The following ZNF585B variants were observed in gnomAD, a reference collection of about 807,000 sequenced individuals.
The protein encoded by ZNF585B is zinc finger protein 585B, also known as zinc finger protein 41-like protein.
ZNF585B carries 7 observed loss-of-function variants against 14.0 expected under a neutral mutation model. The observed-to-expected ratio is 0.50, with a 90% CI of 0.28 to 0.94. The LOEUF is 0.94. Among genes scored for constraint, ZNF585B ranks in the 40% least tolerant of loss-of-function variants. The pLI is 0.09. For synonymous variants in ZNF585B, 290 were observed against 317.3 expected, an observed-to-expected ratio of 0.91 and a Z score of 0.91; for missense variants, 750 against 924.4, an observed-to-expected ratio of 0.81 and a Z score of 2.45.
At chr19:37,209,469 GAAGA>G (rs1972622668) in intron 1 of ZNF585B, among the ~76,000 whole-genome samples, 1 of 152,128 alleles carries the variant, frequency 6.6e-6, no homozygotes, top group East Asian at 1.9e-4. Flanking sequence ...AGCAGAAACA[GAAGA>G]AAGGACAGGT....
At chr19:37,193,704 C>T (rs1272259045) in intron 2 of ZNF585B, among the ~76,000 whole-genome samples, 1 of 152,034 alleles carries the variant, frequency 6.6e-6, no homozygotes, top group Non-Finnish European at 1.5e-5. Context: ...CGACTGAGCC[C>T]GGGAGGTCGA....
chr19:37,196,051 G>T (rs10411176), intron 2 of ZNF585B: 25,235 of 152,056 alleles, frequency 0.17, 2,372 homozygotes, highest in African/African-American at 0.26. Context: ...AGAAGAAGAA[G>T]AATTAATGTG....
chr19:37,193,150 C>CAA, intron 2 of ZNF585B, among the ~76,000 whole-genome samples: 1 of 147,728 alleles, frequency 6.8e-6, no homozygotes, highest in Non-Finnish European at 1.5e-5. Context: ...CAAAACAAAA[C>CAA]AAAAAAAAAC....
rs778289162 is a variant in ZNF585B, at chr19:37,185,702, C to T, written c.1835G>A (p.Gly612Glu). 2 of 1,597,136 alleles carry T rather than the reference C, an allele frequency of 1.3e-6. No individual in the cohort carries two copies. The highest frequency in any genetic ancestry group is 1.7e-6 in the Non-Finnish European group (2 of 1,171,282). Residue 612 changes from glycine to glutamate, a missense_variant, in exon 5 of 5, where the codon GGG (glycine) becomes GAG (glutamate). Physicochemically the swap from Gly to Glu is moderately conservative, Grantham distance 98. This residue lies in a region of ZNF585B where 233 missense variants were observed against 354.1 expected (regional missense o/e 0.66). Coordinates refer to ENST00000532828, the MANE Select transcript of ZNF585B (RefSeq NM_152279.4). ...GEKPYECSDC[G>E]KSFTSKSQLL... is the part of the protein sequence containing the mutation. ...CTGAGACTTGGAGGTAAAGGACTTC[C>T]CACAGTCACTGCATTCATAAGGCTT...
At chr19:37,189,966 G>A in intron 3 of ZNF585B, 58 bp downstream of exon 3, 5 of 1,601,258 alleles carry the variant, frequency 3.1e-6, no homozygotes, top group Non-Finnish European at 4.3e-6. Context: ...TTCGTCAACT[G>A]AGAATGAAAA....
Position 37,198,226 on chromosome 19 carries a change from T to C in ZNF585B, c.73-8076A>G, listed in dbSNP as rs540545182. On this transcript the variant is annotated intron_variant, in intron 2 of 4. Coordinates refer to ENST00000532828, the MANE Select transcript of ZNF585B (RefSeq NM_152279.4). ...TGCTCTTGTTGCCTGGGTTGGAGTG[T>C]AATGGCGTGATCTTGGCTTACTGCA... Among the ~76,000 whole-genome samples, 11 of 152,134 alleles carry C rather than the reference T, an allele frequency of 7.2e-5. No individual in the cohort carries two copies. In the East Asian group the frequency reaches 1.6e-3, roughly 22 times the overall value.
At position 37,186,348 on chromosome 19, in the gene ZNF585B, G is replaced by T. The variant is rs1262753094; in HGVS notation, c.1189C>A (p.Leu397Ile). 4 of 1,614,116 alleles carry T rather than the reference G, an allele frequency of 2.5e-6. No individual in the cohort carries two copies. In the South Asian group the frequency reaches 4.4e-5, roughly 18 times the overall value. The change falls in exon 5 of 5, where the codon CTC becomes ATC. Residue 397 changes from leucine to isoleucine, a missense_variant. Around this residue, in one of 2 missense-constraint regions of ZNF585B, gnomAD observed 517 missense variants for 570.3 expected, o/e 0.91. Coordinates refer to ENST00000532828, the MANE Select transcript of ZNF585B (RefSeq NM_152279.4). ...CGRAFTQKSALTVHQRIHTGE... is the reference protein window; with the variant it reads ...CGRAFTQKSAITVHQRIHTGE... Reference sequence around the variant, plus strand: ...GTATGAATTCTCTGATGCACTGTGAGTGCTGACTTCTGAGTGAAGGCTCTC... The same window carrying T: ...GTATGAATTCTCTGATGCACTGTGATTGCTGACTTCTGAGTGAAGGCTCTC...
rs139840277 is a variant in ZNF585B, at chr19:37,196,527, TTC to T, written c.73-6379_73-6378del. Among the ~76,000 whole-genome samples the T allele has an allele frequency of 3.9e-5, 6 of 152,216 alleles. No homozygotes were observed. In the East Asian group the frequency reaches 1.2e-3, roughly 29 times the overall value. On this transcript the variant is annotated intron_variant, in intron 2 of 4. Transcript: ENST00000532828. ...ATGTGGGTCCATTTGTAACACAGAT[TTC>T]TTTTTTCAGTAAAATTACACCGAGT...
rs571727967 is a variant in ZNF585B, at chr19:37,193,078, T to C, written c.73-2928A>G. On this transcript the variant is annotated intron_variant, in intron 2 of 4. Coordinates refer to ENST00000532828, the MANE Select transcript of ZNF585B (RefSeq NM_152279.4). Reference sequence around the variant, plus strand: ...TGAAGCCAGGAGGCAGAGGTTGCAGTGAGCCGAGATTGCGCCACTGCATTC... The same window carrying C: ...TGAAGCCAGGAGGCAGAGGTTGCAGCGAGCCGAGATTGCGCCACTGCATTC... Among the ~76,000 whole-genome samples, 895 of 151,990 alleles carry C rather than the reference T, an allele frequency of 5.9e-3. 4 individuals carry two copies. Among genetic ancestry groups the C allele is most frequent in the Non-Finnish European group, 9.9e-3 (676 of 67,980 alleles).
rs898025193 is a variant in ZNF585B, at chr19:37,210,526, A to T, written c.-229T>A. 2.6e-5 allele frequency: 4 copies of T among 152,100 alleles called. No homozygotes were observed. The highest frequency in any genetic ancestry group is 9.7e-5 in the African/African-American group (4 of 41,430). 9.4% of individuals were successfully genotyped at this position (152,100 alleles called of 1,614,324 possible). Reference sequence around the variant, plus strand: ...GAAATAGCCTTCGGGGACCACTTCCACTTCCGGTCCGACTTCTAGCACCTC... The same window carrying T: ...GAAATAGCCTTCGGGGACCACTTCCTCTTCCGGTCCGACTTCTAGCACCTC... On this transcript the variant is annotated 5_prime_UTR_variant, in exon 1 of 5. Transcript: ENST00000532828.
intron 2 of ZNF585B, chr19:37,199,382 A>G (rs1972506131): frequency 2.6e-6 from 1 of 377,904 alleles, no homozygotes; most frequent in African/African-American, 2.1e-5. Flanking sequence ...AAATTTCGCC[A>G]GTTCTATTGG....
At chr19:37,189,831 A>G in intron 3 of ZNF585B, 78 bp from the exon 4 acceptor site, 1 of 1,598,712 alleles carries the variant, frequency 6.3e-7, no homozygotes. Context: ...TTATTGTTCA[A>G]TGATGGTTTG....
At chr19:37,190,306 C>T (rs898826126) in intron 2 of ZNF585B, 156 bp from the exon 3 acceptor site, 41 of 1,085,956 alleles carry the variant, frequency 3.8e-5, no homozygotes, top group African/African-American at 4.8e-5. Context: ...AGTGCAGTGG[C>T]GCGATCTTGG....
chr19:37,187,146 CATAG>C lies in ZNF585B; in HGVS notation c.387_390del (p.Tyr130SerfsTer19). ...AAGCTCTTTCCAAATTCAGCACACT[CATAG>C]GATTTTTCCCCAGAATAAATTTTTT... On this transcript the variant is annotated frameshift_variant, in exon 5 of 5. Coordinates refer to ENST00000532828, the MANE Select transcript of ZNF585B (RefSeq NM_152279.4). LOFTEE classifies it low-confidence loss of function (END_TRUNC). 6.2e-7 allele frequency: 1 copy of C among 1,614,044 alleles called. No homozygotes were observed. The highest frequency in any genetic ancestry group is 8.5e-7 in the Non-Finnish European group (1 of 1,180,000).
In ZNF585B at chr19:37,186,587, T is replaced by G. The variant is rs192857856; in HGVS notation, c.950A>C (p.Gln317Pro). The G allele has an allele frequency of 1.4e-5, 22 of 1,614,242 alleles. 1 individual carries two copies. The African/African-American group carries it at 2.5e-4, about 19-fold the overall frequency. ...GGGCTTCACTCTTGTGTGAACACGT[T>G]GATGTACCTGAAGTTGTGACTTGGA... ...FISKSQLQVH[Q>P]RVHTRVKPYI... Residue 317 changes from glutamine to proline, a missense_variant, in exon 5 of 5, where the codon CAA becomes CCA. Around this residue, in one of 2 missense-constraint regions of ZNF585B, gnomAD observed 517 missense variants for 570.3 expected, o/e 0.91. Transcript: ENST00000532828.
In ZNF585B at chr19:37,186,184, T is replaced by C. The variant is rs138834573; in HGVS notation, c.1353A>G (p.Ser451=). The change falls in exon 5 of 5, where the codon TCA becomes TCG. Residue 451 remains serine, a synonymous_variant. Transcript: ENST00000532828. The stretch of plus-strand genomic sequence containing the variant: ...GAATTCGTTTATGAACATGGAGTTG[T>C]GACTTGGAAGTAAACAATTTCCCAC... ...GHCGKLFTSK[S]QLHVHKRIHT... The C allele has an allele frequency of 7.7e-5, 125 of 1,614,050 alleles. No individual in the cohort carries two copies. Among genetic ancestry groups the C allele is most frequent in the South Asian group, 3.6e-4 (33 of 91,084 alleles).
At chr19:37,197,807 T>C (rs1292179159) in intron 2 of ZNF585B, among the ~76,000 whole-genome samples, 2 of 152,228 alleles carry the variant, frequency 1.3e-5, no homozygotes, top group Non-Finnish European at 2.9e-5. Context: ...TTTGCCATTA[T>C]TTTTAATGGC....
chr19:37,189,570 G>T, intron 4 of ZNF585B, 91 bp downstream of exon 4: 1 of 1,431,064 alleles, frequency 7.0e-7, no homozygotes, highest in Non-Finnish European at 9.7e-7. Context: ...GGTCTTAATA[G>T]CACTTCACAG....
chr19:37,204,000 A>G (rs1972561261), intron 2 of ZNF585B, among the ~76,000 whole-genome samples: 1 of 152,224 alleles, frequency 6.6e-6, no homozygotes, highest in Non-Finnish European at 1.5e-5. Flanking sequence ...GCAAAGATTT[A>G]TATTTTTTAT....
Sources: gnomAD v4.1 joint callset for allele counts (sites outside exome capture counted in the v4.1 genomes callset) on GRCh38, gnomAD v4.1.1 for gene constraint, gnomAD v4.1.1 regional missense constraint, MANE v1.5 for transcripts, NCBI Gene and HGNC (gene_info 2026-07-23, HGNC 2026-07-21) for gene names.